Variants in ITSN1 observed in about 807,000 individuals in gnomAD.
The protein encoded by ITSN1 is intersectin-1.
Under a neutral mutation model 239.8 loss-of-function variants are expected in ITSN1, and 58 were observed. That is an observed-to-expected ratio of 0.24 (90% confidence interval 0.20 to 0.30). ITSN1 has a LOEUF of 0.30. Ranked by LOEUF, ITSN1 falls within the 10% of genes least tolerant of loss-of-function variation. The pLI, the probability that ITSN1 is intolerant of heterozygous loss-of-function variation, is 1.00. For missense variants in ITSN1, 1,558 were observed against 2,103.3 expected (o/e 0.74, Z 5.07); for synonymous variants, 780 against 770.8 (o/e 1.01, Z -0.20).
At chr21:33,688,986 T>C (rs1252175045) in intron 1 of ITSN1, among the ~76,000 whole-genome samples, 2 of 151,984 alleles carry the variant, frequency 1.3e-5, no homozygotes, top group African/African-American at 4.8e-5. Flanking sequence ...CTAATTTTGG[T>C]ATTTTTAGTA....
At chr21:33,808,675 T>A (rs2072661355) in intron 20 of ITSN1, among the ~76,000 whole-genome samples, 1 of 152,002 alleles carries the variant, frequency 6.6e-6, no homozygotes, top group Non-Finnish European at 1.5e-5. Flanking sequence ...ATAAGACAGG[T>A]ATTTTTATTA....
intron 19 of ITSN1, among the ~76,000 whole-genome samples, chr21:33,801,110 G>A (rs1424288547): frequency 2.0e-4 from 31 of 152,008 alleles, no homozygotes; most frequent in Admixed American, 1.3e-4. Context: ...GGGCTCAAAC[G>A]ATCCTCCCAG....
At chr21:33,835,729 G>A (rs965932190) in intron 28 of ITSN1, among the ~76,000 whole-genome samples, 11 of 152,208 alleles carry the variant, frequency 7.2e-5, no homozygotes, top group South Asian at 6.2e-4. Flanking sequence ...CCAGGAGTTC[G>A]AGACCAGCCT....
chr21:33,839,661 G>A (rs2074756357), intron 29 of ITSN1, among the ~76,000 whole-genome samples: 1 of 152,144 alleles, frequency 6.6e-6, no homozygotes, highest in Non-Finnish European at 1.5e-5. Context: ...TGTCAAGGTG[G>A]GTACTACTCC....
At chr21:33,836,665 C>T (rs1374517891) in intron 29 of ITSN1, 33 bp downstream of exon 29, 1 of 1,532,498 alleles carries the variant, frequency 6.5e-7, no homozygotes, top group Non-Finnish European at 9.0e-7. Context: ...CGCCTCGCCT[C>T]TCTGGTATCT....
chr21:33,776,456 A>G (rs1657383501), intron 14 of ITSN1, among the ~76,000 whole-genome samples: 1 of 150,816 alleles, frequency 6.6e-6, no homozygotes, highest in African/African-American at 2.4e-5. Flanking sequence ...TGCCTGAGGC[A>G]GGAAGACCAC....
intron 29 of ITSN1, among the ~76,000 whole-genome samples, chr21:33,842,495 GGTGTGTGTGTGTGTGT>G (rs34019939): frequency 1.4e-5 from 2 of 148,066 alleles, no homozygotes; most frequent in Non-Finnish European, 3.0e-5. Flanking sequence ...TGATGTCAAC[GGTGTGTGTGTGTGTGT>G]GTGTGTGTGT....
chr21:33,792,947 C>T (rs138785539), intron 16 of ITSN1, among the ~76,000 whole-genome samples: 1 of 152,140 alleles, frequency 6.6e-6, no homozygotes, highest in Non-Finnish European at 1.5e-5. Flanking sequence ...TTCCCCTTCC[C>T]CTTTTCCTCC....
chr21:33,722,693 C>A (rs768516525), intron 4 of ITSN1, 42 bp downstream of exon 4: 12 of 1,511,390 alleles, frequency 7.9e-6, no homozygotes, highest in East Asian at 7.1e-5. Flanking sequence ...AAGCATAAGG[C>A]AAAATAAAAT....
chr21:33,793,401 C>T (rs2071300342), intron 16 of ITSN1, among the ~76,000 whole-genome samples: 1 of 152,150 alleles, frequency 6.6e-6, no homozygotes, highest in Admixed American at 6.5e-5. Flanking sequence ...TGGAAAGATA[C>T]CTTGGCTCTA....
chr21:33,750,100 T>C (rs774453071), intron 5 of ITSN1, 43 bp from the exon 6 acceptor site: 1 of 1,572,440 alleles, frequency 6.4e-7, no homozygotes, highest in South Asian at 1.1e-5. Flanking sequence ...AGTGTTGAAA[T>C]GTGATTGGAT....
Position 33,791,703 on chromosome 21 carries a change from G to A in ITSN1, c.1825-2638G>A, listed in dbSNP as rs774482504. 1.1e-4 allele frequency among the ~76,000 whole-genome samples: 17 copies of A among 152,006 alleles called. 1 individual carries two copies. The South Asian group carries it at 2.7e-3, about 24-fold the overall frequency. ...AAGGAAATGTGCGGTATAATTCTTG[G>A]GGAAAAATGAAAAATCTTCATTTGT... On this transcript the variant is annotated intron_variant, in intron 16 of 39. Transcript: ENST00000381318.
At chr21:33,688,254 C>A (rs142858275) in intron 1 of ITSN1, among the ~76,000 whole-genome samples, 1 of 152,064 alleles carries the variant, frequency 6.6e-6, no homozygotes, top group Non-Finnish European at 1.5e-5. Context: ...TTCCTTGGAA[C>A]GTATGTGGGT....
At position 33,821,734 on chromosome 21, in the gene ITSN1, G is replaced by T. The variant is rs117249431; in HGVS notation, c.3017-1753G>T. On this transcript the variant is annotated intron_variant, in intron 24 of 39. Transcript: ENST00000381318. ...TTCAGCCAGAGTTCATGTTTCTGAA[G>T]TTTCTTAAGCATTTGGAAAGTTACT... Among the ~76,000 whole-genome samples, 71 of 152,260 alleles carry T rather than the reference G, an allele frequency of 4.7e-4. 1 individual carries two copies. In the East Asian group the frequency reaches 0.012, roughly 26 times the overall value.
At chr21:33,652,902 A>G (rs2088669839) in intron 1 of ITSN1, among the ~76,000 whole-genome samples, 1 of 152,028 alleles carries the variant, frequency 6.6e-6, no homozygotes, top group Non-Finnish European at 1.5e-5. Flanking sequence ...AGTAGCAATA[A>G]TTAGTACTAA....
intron 1 of ITSN1, among the ~76,000 whole-genome samples, chr21:33,654,219 A>ATTTTTTTTTTTT (rs912312736): frequency 7.5e-6 from 1 of 133,344 alleles, no homozygotes; most frequent in Admixed American, 7.6e-5. Context: ...CACCTGGCTA[A>ATTTTTTTTTTTT]TTTTTTTTTT....
intron 1 of ITSN1, among the ~76,000 whole-genome samples, chr21:33,669,813 T>C (rs1049427154): frequency 2.7e-5 from 4 of 150,710 alleles, no homozygotes; most frequent in Non-Finnish European, 5.9e-5. Context: ...GAAAATGACA[T>C]GTGTTGGTGT....
intron 2 of ITSN1, among the ~76,000 whole-genome samples, chr21:33,720,786 T>C (rs921467252): frequency 6.6e-6 from 1 of 152,190 alleles, no homozygotes; most frequent in Admixed American, 6.6e-5. Context: ...ACCTTCTTCT[T>C]TCATAACTTT....
intron 33 of ITSN1, among the ~76,000 whole-genome samples, chr21:33,870,096 C>T (rs1982452492): frequency 6.6e-6 from 1 of 152,198 alleles, no homozygotes; most frequent in Non-Finnish European, 1.5e-5. Flanking sequence ...AAATCTCCCT[C>T]CCACATAAGC....
Sources: allele counts gnomAD v4.1 joint callset (sites outside exome capture counted in the v4.1 genomes callset), GRCh38; gene constraint gnomAD v4.1.1; transcripts MANE v1.5; gene names NCBI Gene and HGNC (gene_info 2026-07-23, HGNC 2026-07-21).